The following GRXCR1 variants were observed in gnomAD, a reference collection of about 807,000 sequenced individuals.
The protein encoded by GRXCR1 is glutaredoxin and cysteine rich domain containing 1.
Under a neutral mutation model 27.3 loss-of-function variants are expected in GRXCR1, and 27 were observed. The ratio of observed to expected loss-of-function variants is 0.99; its 90% CI spans 0.73 to 1.37. The LOEUF (loss-of-function observed/expected upper bound fraction) is 1.37, where lower values mean the gene tolerates loss of function less well. Ranked by LOEUF, GRXCR1 falls within the 40% of genes most tolerant of loss-of-function variation. The pLI is 0.00. For missense variants in GRXCR1, 379 were observed against 354.4 expected, an observed-to-expected ratio of 1.07 and a Z score of -0.56; for synonymous variants, 122 against 131.1, an observed-to-expected ratio of 0.93 and a Z score of 0.47.
intron 1 of GRXCR1, among the ~76,000 whole-genome samples, chr4:42,931,005 T>C (rs1747291959): frequency 6.6e-6 from 1 of 151,946 alleles, no homozygotes; most frequent in South Asian, 2.1e-4. Context: ...ACATGGAATA[T>C]ATGCAAGGAC....
intron 2 of GRXCR1, among the ~76,000 whole-genome samples, chr4:43,019,075 C>A (rs372414476): frequency 1.3e-5 from 2 of 152,152 alleles, no homozygotes; most frequent in African/African-American, 4.8e-5. Flanking sequence ...GTAAATACTC[C>A]TATACTATAG....
At chr4:42,993,183 TA>T (rs1712029674) in intron 2 of GRXCR1, among the ~76,000 whole-genome samples, 1 of 152,088 alleles carries the variant, frequency 6.6e-6, no homozygotes. Context: ...GTAAGTGAAA[TA>T]AAAAGATCAG....
chr4:42,954,004 G>A (rs1469864), intron 1 of GRXCR1, among the ~76,000 whole-genome samples: 55,110 of 151,714 alleles, frequency 0.36, 10,222 homozygotes, highest in African/African-American at 0.43. Flanking sequence ...GGAAATTACC[G>A]GCCACCAAGT....
intron 1 of GRXCR1, among the ~76,000 whole-genome samples, chr4:42,909,749 T>C (rs560612035): frequency 6.6e-6 from 1 of 152,280 alleles, no homozygotes; most frequent in Non-Finnish European, 1.5e-5. Context: ...GTAACTCTGA[T>C]CATGTTACTC....
chr4:42,941,577 C>T (rs991723791), intron 1 of GRXCR1, among the ~76,000 whole-genome samples: 4 of 151,936 alleles, frequency 2.6e-5, no homozygotes, highest in Admixed American at 6.6e-5. Flanking sequence ...ATTTAATCCA[C>T]CCCTCTTATT....
In GRXCR1 at chr4:42,946,556, T is replaced by G. The variant is rs571916166; in HGVS notation, c.385-16336T>G. Among the ~76,000 whole-genome samples the G allele has an allele frequency of 2.6e-5, 4 of 152,296 alleles. No individual in the cohort carries two copies. The South Asian group carries it at 8.3e-4, about 32-fold the overall frequency. On this transcript the variant is annotated intron_variant, in intron 1 of 3. Transcript: ENST00000399770. ...ACTGGGCAATTTATAAACAACAAAA[T>G]TTATTTTTCACAGTTCTGGAGCATA...
intron 2 of GRXCR1, among the ~76,000 whole-genome samples, chr4:43,000,998 C>G (rs1038665572): frequency 6.6e-6 from 1 of 152,020 alleles, no homozygotes; most frequent in Non-Finnish European, 1.5e-5. Context: ...GCTATCTCGG[C>G]TCACTGCAAC....
intron 2 of GRXCR1, among the ~76,000 whole-genome samples, chr4:42,999,548 T>C (rs563472144): frequency 1.3e-5 from 2 of 152,326 alleles, no homozygotes; most frequent in Admixed American, 1.3e-4. Context: ...CTTTATTTCC[T>C]ATACAACAGT....
At chr4:42,932,661 GAGA>G (rs1560654459) in intron 1 of GRXCR1, among the ~76,000 whole-genome samples, 37 of 120,334 alleles carry the variant, frequency 3.1e-4, no homozygotes, top group African/African-American at 7.4e-4. Flanking sequence ...GAGAGAGAGA[GAGA>G]GGCAATCTGT....
chr4:42,998,881 C>G (rs866748153), intron 2 of GRXCR1, among the ~76,000 whole-genome samples: 1 of 152,120 alleles, frequency 6.6e-6, no homozygotes, highest in Non-Finnish European at 1.5e-5. Context: ...AAATGATTGG[C>G]AAATTGGTAG....
At chr4:43,012,811 T>C (rs1712801342) in intron 2 of GRXCR1, among the ~76,000 whole-genome samples, 2 of 152,142 alleles carry the variant, frequency 1.3e-5, no homozygotes, top group African/African-American at 4.8e-5. Context: ...TTGGTGAGCT[T>C]AATCACTGCG....
chr4:42,900,091 T>A (rs1746428677), intron 1 of GRXCR1, among the ~76,000 whole-genome samples: 1 of 152,188 alleles, frequency 6.6e-6, no homozygotes, highest in South Asian at 2.1e-4. Context: ...CAGATATTGC[T>A]CATGCTGATA....
chr4:42,917,022 G>T (rs891947852), intron 1 of GRXCR1, among the ~76,000 whole-genome samples: 2 of 152,098 alleles, frequency 1.3e-5, no homozygotes, highest in African/African-American at 2.4e-5. Context: ...ATGTGTGATT[G>T]CTTAGGGTCA....
chr4:42,936,293 A>G (rs1747456997), intron 1 of GRXCR1, among the ~76,000 whole-genome samples: 1 of 151,942 alleles, frequency 6.6e-6, no homozygotes, highest in African/African-American at 2.4e-5. Context: ...TTTAAGAAGA[A>G]AACAACATCC....
intron 2 of GRXCR1, among the ~76,000 whole-genome samples, chr4:42,988,910 TTCTC>T (rs1158067453): frequency 1.3e-5 from 2 of 152,110 alleles, no homozygotes; most frequent in African/African-American, 4.8e-5. Flanking sequence ...CAAGTAAAAT[TTCTC>T]TCTATTATAA....
intron 1 of GRXCR1, among the ~76,000 whole-genome samples, chr4:42,910,839 G>T (rs1399804738): frequency 6.6e-6 from 1 of 152,040 alleles, no homozygotes; most frequent in Non-Finnish European, 1.5e-5. Flanking sequence ...TGGAAGGGGA[G>T]TGCATGCTGA....
intron 2 of GRXCR1, among the ~76,000 whole-genome samples, chr4:43,012,373 A>T (rs915218959): frequency 1.4e-4 from 21 of 152,228 alleles, no homozygotes; most frequent in African/African-American, 5.1e-4. Flanking sequence ...ATCATATATT[A>T]AGCCCAACTA....
At chr4:42,915,678 G>A (rs904305685) in intron 1 of GRXCR1, among the ~76,000 whole-genome samples, 3 of 151,928 alleles carry the variant, frequency 2.0e-5, no homozygotes, top group Non-Finnish European at 2.9e-5. Flanking sequence ...TATCTAGTGA[G>A]TTCATTTTTT....
intron 1 of GRXCR1, among the ~76,000 whole-genome samples, chr4:42,945,662 C>T (rs1046916619): frequency 6.6e-6 from 1 of 152,116 alleles, no homozygotes; most frequent in African/African-American, 2.4e-5. Context: ...GGTAACTTTA[C>T]AGTGAGTGCT....
Sources: gnomAD v4.1 joint callset for allele counts (sites outside exome capture counted in the v4.1 genomes callset) on GRCh38, gnomAD v4.1.1 for gene constraint, MANE v1.5 for transcripts, NCBI Gene and HGNC (gene_info 2026-07-23, HGNC 2026-07-21) for gene names.